Variants in NRXN3 observed in about 807,000 individuals in gnomAD.
NRXN3 encodes the protein neurexin III.
NRXN3 carries 32 observed loss-of-function variants against 137.6 expected under a neutral mutation model. The ratio of observed to expected loss-of-function variants is 0.23; its 90% CI spans 0.18 to 0.31. The LOEUF (loss-of-function observed/expected upper bound fraction) is 0.31. NRXN3 is among the 10% of genes least tolerant of loss of function. The pLI, the probability that NRXN3 is intolerant of heterozygous loss-of-function variation, is 1.00. For synonymous variants in NRXN3, 798 were observed against 784.5 expected (o/e 1.02, Z -0.29); for missense variants, 1,574 against 2,062.5 (o/e 0.76, Z 4.59).
intron 15 of NRXN3, among the ~76,000 whole-genome samples, chr14:79,256,387 A>G (rs1174436562): frequency 6.6e-6 from 1 of 152,172 alleles, no homozygotes; most frequent in Non-Finnish European, 1.5e-5. Flanking sequence ...GGGTACCACT[A>G]CCTTCTGTGA....
intron 15 of NRXN3, among the ~76,000 whole-genome samples, chr14:79,361,378 T>C (rs891887244): frequency 1.3e-5 from 2 of 152,178 alleles, no homozygotes; most frequent in African/African-American, 4.8e-5. Flanking sequence ...TTGTTATAAA[T>C]AGAATGCTTT....
intron 4 of NRXN3, among the ~76,000 whole-genome samples, chr14:78,596,683 A>T (rs1049222374): frequency 6.6e-6 from 1 of 152,212 alleles, no homozygotes; most frequent in African/African-American, 2.4e-5. Flanking sequence ...CATGCGGTAG[A>T]AAATGGCCAG....
In NRXN3 at chr14:78,441,107, G is replaced by T. The variant is rs561568816; in HGVS notation, c.757+143247G>T. Among the ~76,000 whole-genome samples the T allele has an allele frequency of 2.0e-5, 3 of 152,196 alleles. No individual in the cohort carries two copies. The East Asian group carries it at 5.8e-4, about 29-fold the overall frequency. Reference sequence around the variant, plus strand: ...TCAGGGGCAGAATTACCCAGGGCAGGGCTTATGTTTTAGGAGTAGTTGATG... The same window carrying T: ...TCAGGGGCAGAATTACCCAGGGCAGTGCTTATGTTTTAGGAGTAGTTGATG... On this transcript the variant is annotated intron_variant, in intron 4 of 20. Coordinates refer to ENST00000335750, the MANE Select transcript of NRXN3 (RefSeq NM_001330195.2).
chr14:78,323,831 T>G (rs1304948801), intron 4 of NRXN3, among the ~76,000 whole-genome samples: 1 of 152,026 alleles, frequency 6.6e-6, no homozygotes, highest in Non-Finnish European at 1.5e-5. Flanking sequence ...TATCAGGTTT[T>G]GGGGTATAAA....
chr14:78,231,793 G>A (rs2065443708), intron 1 of NRXN3, among the ~76,000 whole-genome samples: 1 of 152,226 alleles, frequency 6.6e-6, no homozygotes, highest in African/African-American at 2.4e-5. Context: ...ACTTGGCATA[G>A]CGCGTTGCCC....
intron 10 of NRXN3, among the ~76,000 whole-genome samples, chr14:78,892,331 A>C (rs2099161354): frequency 6.6e-6 from 1 of 151,988 alleles, no homozygotes; most frequent in Non-Finnish European, 1.5e-5. Flanking sequence ...ATTTTGGCTG[A>C]TAGAAACAGA....
intron 4 of NRXN3, among the ~76,000 whole-genome samples, chr14:78,545,567 T>TA (rs771033286): frequency 5.3e-5 from 8 of 152,344 alleles, no homozygotes; most frequent in Non-Finnish European, 1.0e-4. Context: ...CATTGTTTTA[T>TA]AAAATGGGAT....
intron 10 of NRXN3, among the ~76,000 whole-genome samples, chr14:78,926,942 A>T (rs1442437882): frequency 2.5e-5 from 1 of 40,320 alleles, no homozygotes; most frequent in Non-Finnish European, 3.7e-5. Flanking sequence ...ATTTATATAT[A>T]TATATAATAT....
intron 16 of NRXN3, among the ~76,000 whole-genome samples, chr14:79,483,756 A>G (rs1381184577): frequency 1.3e-5 from 2 of 151,990 alleles, no homozygotes; most frequent in African/African-American, 4.8e-5. Flanking sequence ...CATTTCACAC[A>G]GTGGGAAATG....
Position 79,140,573 on chromosome 14 carries a change from C to CTGTGTGTGTGTG in NRXN3, c.3262+152459_3262+152470dup, listed in dbSNP as rs3035591. 1.4e-3 allele frequency among the ~76,000 whole-genome samples: 196 copies of CTGTGTGTGTGTG among 143,926 alleles called. 1 individual carries two copies. Among genetic ancestry groups the CTGTGTGTGTGTG allele is most frequent in the Middle Eastern group, 7.2e-3 (2 of 278 alleles). 94.4% of individuals were successfully genotyped at this position (143,926 alleles called of 152,430 possible). A position where few individuals can be genotyped will look rare whatever the true frequency, so the allele number is the denominator to read the frequency against. ...CAATTGTTATTATCACCCCACCTCA[C>CTGTGTGTGTGTG]TGTGTGTGTGTGTGTGTGTGTGTGT... On this transcript the variant is annotated intron_variant, in intron 15 of 20. Coordinates refer to ENST00000335750, the MANE Select transcript of NRXN3 (RefSeq NM_001330195.2).
intron 1 of NRXN3, among the ~76,000 whole-genome samples, chr14:78,190,849 T>A (rs542881065): frequency 2.3e-3 from 350 of 152,080 alleles, no homozygotes; most frequent in African/African-American, 8.0e-3. Flanking sequence ...AATTTTTGTA[T>A]TTTTAGTAGA....
chr14:79,202,005 A>C (rs1481635941), intron 15 of NRXN3, among the ~76,000 whole-genome samples: 21 of 152,212 alleles, frequency 1.4e-4, no homozygotes, highest in Non-Finnish European at 3.1e-4. Flanking sequence ...CTGTATGCTT[A>C]ACCATTACTG....
At chr14:79,762,312 A>T (rs2099041385) in intron 19 of NRXN3, among the ~76,000 whole-genome samples, 1 of 151,676 alleles carries the variant, frequency 6.6e-6, no homozygotes, top group Admixed American at 6.5e-5. Flanking sequence ...ACATAATCTG[A>T]TTTATGAAAT....
chr14:78,987,659 G>T (rs1195385458), intron 14 of NRXN3, among the ~76,000 whole-genome samples: 2 of 151,416 alleles, frequency 1.3e-5, no homozygotes, highest in East Asian at 1.9e-4. Flanking sequence ...TCATGGGAAT[G>T]ATTTTTTTTT....
chr14:78,326,508 T>A (rs1435177887), intron 4 of NRXN3, among the ~76,000 whole-genome samples: 3 of 152,200 alleles, frequency 2.0e-5, no homozygotes, highest in African/African-American at 7.2e-5. Context: ...TTGAAGGGAC[T>A]GTGAGGGAGT....
In NRXN3 at chr14:79,047,044, G is replaced by A. The variant is rs2099634079; in HGVS notation, c.3262+58903G>A. 2.6e-5 allele frequency among the ~76,000 whole-genome samples: 4 copies of A among 151,626 alleles called. No homozygotes were observed. In the South Asian group the frequency reaches 8.3e-4, roughly 32 times the overall value. On this transcript the variant is annotated intron_variant, in intron 15 of 20. Transcript: ENST00000335750. Reference sequence around the variant, plus strand: ...GAGTTATTACTTGTAAAACACTTAGGAGAGTCTCTGCTATGTAATAAGTGT... The same window carrying A: ...GAGTTATTACTTGTAAAACACTTAGAAGAGTCTCTGCTATGTAATAAGTGT...
chr14:79,172,582 ATATTTT>A (rs2061894892), intron 15 of NRXN3, among the ~76,000 whole-genome samples: 1 of 152,204 alleles, frequency 6.6e-6, no homozygotes, highest in Non-Finnish European at 1.5e-5. Flanking sequence ...ACAAGAATTT[ATATTTT>A]TAAACTATAA....
chr14:79,180,720 C>T (rs997705507), intron 15 of NRXN3, among the ~76,000 whole-genome samples: 7 of 151,948 alleles, frequency 4.6e-5, no homozygotes, highest in Admixed American at 2.6e-4. Flanking sequence ...AATCACAGGG[C>T]GCTGTGGAAG....
At chr14:79,063,507 C>G (rs2099676813) in intron 15 of NRXN3, among the ~76,000 whole-genome samples, 1 of 152,176 alleles carries the variant, frequency 6.6e-6, no homozygotes. Flanking sequence ...TGGTCTCGAA[C>G]TCCTGACCTC....
Sources: allele counts gnomAD v4.1 joint callset (sites outside exome capture counted in the v4.1 genomes callset), GRCh38; gene constraint gnomAD v4.1.1; transcripts MANE v1.5; gene names NCBI Gene and HGNC (gene_info 2026-07-23, HGNC 2026-07-21).